Variants in DNAH9 observed in about 807,000 individuals in gnomAD.
The protein encoded by DNAH9 is dynein axonemal heavy chain 9.
Under a neutral mutation model 471.6 loss-of-function variants are expected in DNAH9, and 345 were observed. The observed-to-expected ratio is 0.73, with a 90% confidence interval of 0.67 to 0.80. DNAH9 has a LOEUF of 0.80. Among genes scored for constraint, DNAH9 ranks in the 30% least tolerant of loss-of-function variants. The pLI, the probability that DNAH9 is intolerant of heterozygous loss-of-function variation, is 0.00. For missense variants in DNAH9, 5,407 were observed against 5,609.2 expected (o/e 0.96, Z 1.15); for synonymous variants, 2,093 against 2,123.6 (o/e 0.99, Z 0.40).
In DNAH9 at chr17:11,962,338, AAG is replaced by A. The variant is rs546961561; in HGVS notation, c.13233+86_13233+87del. On this transcript the variant is annotated intron_variant, in intron 68 of 68. Transcript: ENST00000262442. The surrounding 1 kb of genome is among the most constrained non-coding windows in gnomAD (Gnocchi z 4.1). ...GCTTCCTATGAAGTGTGACTACTAA[AAG>A]AGATATTCCTGAATCTTTTTCTCTA... is the stretch of plus-strand genomic sequence containing the variant. 2.2e-4 allele frequency: 334 copies of A among 1,488,872 alleles called. No individual in the cohort carries two copies. The highest frequency in any genetic ancestry group is 2.9e-4 in the Non-Finnish European group (322 of 1,125,398). 92.2% of individuals were successfully genotyped at this position (1,488,872 alleles called of 1,614,324 possible).
chr17:11,842,232 G>C (rs1302829759), intron 49 of DNAH9, among the ~76,000 whole-genome samples: 1 of 152,150 alleles, frequency 6.6e-6, no homozygotes, highest in East Asian at 1.9e-4. Flanking sequence ...ATTAATAGTG[G>C]TGTAAGATAT....
intron 33 of DNAH9, among the ~76,000 whole-genome samples, chr17:11,755,579 G>A (rs772832354): frequency 5.3e-5 from 8 of 152,096 alleles, no homozygotes; most frequent in Non-Finnish European, 8.8e-5. Context: ...TGAAATGTAA[G>A]TTCTTTTCCT....
At chr17:11,968,312 C>T (rs1407223390) in intron 68 of DNAH9, among the ~76,000 whole-genome samples, 2 of 152,188 alleles carry the variant, frequency 1.3e-5, no homozygotes, top group Admixed American at 1.3e-4. Context: ...CCATCCTTTA[C>T]CTCATCAGCC....
intron 12 of DNAH9, among the ~76,000 whole-genome samples, chr17:11,650,252 G>C (rs777434777): frequency 7.9e-5 from 12 of 152,128 alleles, no homozygotes; most frequent in Non-Finnish European, 1.5e-4. Flanking sequence ...CTTCATATGA[G>C]GGGGAGATAG....
intron 46 of DNAH9, 79 bp from the exon 47 acceptor site, chr17:11,822,359 G>T (rs900833259): frequency 6.6e-7 from 1 of 1,520,200 alleles, no homozygotes; most frequent in Admixed American, 1.8e-5. Context: ...GGGAGCTAGA[G>T]AACCCAAGGC....
At chr17:11,600,094 A>C (rs760730578) in intron 1 of DNAH9, among the ~76,000 whole-genome samples, 64 of 152,196 alleles carry the variant, frequency 4.2e-4, no homozygotes, top group Non-Finnish European at 7.5e-4. Flanking sequence ...AGGAGGACAC[A>C]GAGGGCCCAG....
intron 14 of DNAH9, among the ~76,000 whole-genome samples, chr17:11,664,259 G>A (rs1028811734): frequency 5.3e-5 from 8 of 151,884 alleles, no homozygotes; most frequent in Non-Finnish European, 1.0e-4. Flanking sequence ...AGAGAAGGCG[G>A]GGAGGAAGGA....
At chr17:11,822,354 C>G (rs1175600796) in intron 46 of DNAH9, 84 bp from the exon 47 acceptor site, 1 of 1,484,584 alleles carries the variant, frequency 6.7e-7, no homozygotes, top group African/African-American at 1.4e-5. Context: ...CTTCTGGGAG[C>G]TAGAGAACCC....
rs2073246847 is a variant in DNAH9 at position 11,640,309 on chromosome 17, G to A, written c.1826G>A (p.Gly609Asp). 6 of 1,613,848 alleles carry A rather than the reference G, an allele frequency of 3.7e-6. No individual in the cohort carries two copies. Among genetic ancestry groups the A allele is most frequent in the Non-Finnish European group, 5.1e-6 (6 of 1,179,932 alleles). ...CACAAGAACATGCCCACCGTGGCTG[G>A]CGGCCTCCGCTGGGCACAGGAGCTG... ...PVHKNMPTVA[G>D]GLRWAQELRQ... The change falls in exon 10 of 69, where the codon GGC becomes GAC. Residue 609 changes from glycine to aspartate, a missense_variant. Transcript: ENST00000262442.
chr17:11,610,656 C>T lies in DNAH9; in HGVS notation c.773+102C>T, dbSNP rs2072615199. On this transcript the variant is annotated intron_variant, in intron 3 of 68. Coordinates refer to ENST00000262442, the MANE Select transcript of DNAH9 (RefSeq NM_001372.4). ...AAGCCACCATTGAGCCTATTCTTCC[C>T]TATAGGTATTTCACATCATCAGTGG... is the stretch of plus-strand genomic sequence containing the variant. 4.5e-6 allele frequency: 5 copies of T among 1,118,578 alleles called. No homozygotes were observed. The African/African-American group carries it at 7.9e-5, about 18-fold the overall frequency. 69.3% of individuals were successfully genotyped at this position (1,118,578 alleles called of 1,614,324 possible). A position where few individuals can be genotyped will look rare whatever the true frequency, so the allele number is the denominator to read the frequency against.
intron 50 of DNAH9, among the ~76,000 whole-genome samples, chr17:11,865,548 T>A (rs1972017343): frequency 6.6e-6 from 1 of 152,160 alleles, no homozygotes; most frequent in Non-Finnish European, 1.5e-5. Flanking sequence ...CTGTATTTCC[T>A]GAATCTGAAT....
chr17:11,727,927 G>T lies in DNAH9; in HGVS notation c.5814+5G>T, dbSNP rs376248684. 77 of 1,602,374 alleles carry T rather than the reference G, an allele frequency of 4.8e-5. No homozygotes were observed. The highest frequency in any genetic ancestry group is 6.5e-5 in the Non-Finnish European group (76 of 1,169,334). On this transcript the variant is annotated splice_donor_5th_base_variant and intron_variant, in intron 28 of 68. Transcript: ENST00000262442. ...TTGTCAGTGGTGGCAGTGCAGGTAA[G>T]GGCCAGAAGTTGGTGGGAGCCTTGT...
intron 49 of DNAH9, among the ~76,000 whole-genome samples, chr17:11,835,471 T>C (rs905222121): frequency 6.6e-6 from 1 of 152,222 alleles, no homozygotes; most frequent in Non-Finnish European, 1.5e-5. Context: ...TAAATTAAAC[T>C]CATAAATTTA....
intron 67 of DNAH9, among the ~76,000 whole-genome samples, chr17:11,943,209 A>G (rs1014362790): frequency 1.3e-5 from 2 of 151,936 alleles, no homozygotes; most frequent in South Asian, 4.1e-4. Context: ...TGGCTTGTTT[A>G]TTAAAAGAAT....
chr17:11,649,716 C>G (rs1567690270), intron 12 of DNAH9, among the ~76,000 whole-genome samples: 1 of 152,078 alleles, frequency 6.6e-6, no homozygotes, highest in Non-Finnish European at 1.5e-5. Context: ...AAGAAAAAAA[C>G]TCAATGTTGT....
intron 61 of DNAH9, among the ~76,000 whole-genome samples, chr17:11,919,404 A>T (rs1597826307): frequency 6.6e-6 from 1 of 150,772 alleles, no homozygotes; most frequent in Non-Finnish European, 1.5e-5. Flanking sequence ...CTGAGGCAGG[A>T]GAATGGCATG....
intron 33 of DNAH9, 148 bp from the exon 34 acceptor site, chr17:11,756,420 G>A (rs1967389863): frequency 3.2e-6 from 2 of 632,290 alleles, no homozygotes; most frequent in Non-Finnish European, 2.8e-6. Flanking sequence ...AATTCAAGAT[G>A]AGATTTGGGT....
At chr17:11,812,763 A>C (rs1597683092) in intron 45 of DNAH9, among the ~76,000 whole-genome samples, 1 of 151,980 alleles carries the variant, frequency 6.6e-6, no homozygotes, top group Admixed American at 6.6e-5. Flanking sequence ...TTCTCCTCCA[A>C]TGCCACAATT....
intron 28 of DNAH9, among the ~76,000 whole-genome samples, chr17:11,733,685 G>C (rs551728510): frequency 2.2e-4 from 33 of 151,948 alleles, no homozygotes; most frequent in African/African-American, 7.2e-4. Context: ...GTGAAACCCC[G>C]TCTCTACTAA....
Sources: allele counts gnomAD v4.1 joint callset (sites outside exome capture counted in the v4.1 genomes callset), GRCh38; gene constraint gnomAD v4.1.1; non-coding constraint Gnocchi (gnomAD v3.1); transcripts MANE v1.5; gene names NCBI Gene and HGNC (gene_info 2026-07-23, HGNC 2026-07-21).